The following KIAA2012 variants were observed in gnomAD, a reference collection of about 807,000 sequenced individuals.
The protein encoded by KIAA2012 is KIAA2012.
KIAA2012 carries 125 observed loss-of-function variants against 150.6 expected under a neutral mutation model. The ratio of observed to expected loss-of-function variants is 0.83; its 90% CI spans 0.72 to 0.96. KIAA2012 has a LOEUF of 0.96. Ranked by LOEUF, KIAA2012 falls within the 40% of genes least tolerant of loss-of-function variation. The probability of loss-of-function intolerance (pLI) is 0.00; values close to 1 mark genes in which losing one functional copy is unlikely to be tolerated. For missense variants in KIAA2012, 1,219 were observed against 1,354.9 expected (o/e 0.90, Z 1.57); for synonymous variants, 462 against 504.7 (o/e 0.92, Z 1.13).
At chr2:202,132,159 A>G (rs1161284154) in intron 12 of KIAA2012, among the ~76,000 whole-genome samples, 1 of 151,618 alleles carries the variant, frequency 6.6e-6, no homozygotes, top group African/African-American at 2.4e-5. Flanking sequence ...CTGGGCAACA[A>G]GGGCAAAACT....
intron 23 of KIAA2012, among the ~76,000 whole-genome samples, chr2:202,204,131 C>T (rs185215476): frequency 7.3e-4 from 109 of 149,312 alleles, no homozygotes; most frequent in Admixed American, 1.7e-3. Flanking sequence ...AACTAGAGTG[C>T]AGTGGCGCCA....
At chr2:202,199,898 A>G (rs1428147006) in intron 22 of KIAA2012, among the ~76,000 whole-genome samples, 5 of 143,472 alleles carry the variant, frequency 3.5e-5, no homozygotes, top group Middle Eastern at 3.7e-3. Flanking sequence ...TTTGAAATGC[A>G]TCTTCCTCCT....
intron 4 of KIAA2012, 91 bp from the exon 5 acceptor site, chr2:202,097,344 C>A: frequency 6.6e-7 from 1 of 1,518,840 alleles, no homozygotes; most frequent in Admixed American, 2.1e-5. Flanking sequence ...CACTTTTACT[C>A]AGAGAAGCAA....
chr2:202,087,438 A>G (rs767969087), intron 2 of KIAA2012, among the ~76,000 whole-genome samples: 3 of 138,008 alleles, frequency 2.2e-5, no homozygotes, highest in Non-Finnish European at 3.1e-5. Flanking sequence ...GTTTGAACCC[A>G]GGAGGCAGAG....
chr2:202,171,466 C>A (rs1461191435), intron 15 of KIAA2012, among the ~76,000 whole-genome samples: 1 of 152,204 alleles, frequency 6.6e-6, no homozygotes, highest in Non-Finnish European at 1.5e-5. Context: ...CTGCCTAGCG[C>A]CTCTCTGCTG....
chr2:202,142,463 TAA>T (rs371715802), intron 13 of KIAA2012, among the ~76,000 whole-genome samples: 12 of 152,350 alleles, frequency 7.9e-5, no homozygotes, highest in African/African-American at 2.9e-4. Flanking sequence ...GGAAACAGCC[TAA>T]GAGTGTAACA....
intron 12 of KIAA2012, chr2:202,137,409 C>T (rs1187482141): frequency 6.6e-6 from 1 of 151,052 alleles, no homozygotes; most frequent in Non-Finnish European, 1.5e-5. Flanking sequence ...CTCTGCCTCC[C>T]AGGTTCAAGT....
chr2:202,101,062 G>A (rs1269528192), intron 7 of KIAA2012, among the ~76,000 whole-genome samples: 1 of 152,136 alleles, frequency 6.6e-6, no homozygotes, highest in Non-Finnish European at 1.5e-5. Context: ...AGTAGCTATG[G>A]GAACATGAGC....
chr2:202,106,382 T>G (rs1393306041), intron 9 of KIAA2012, among the ~76,000 whole-genome samples: 1 of 152,210 alleles, frequency 6.6e-6, no homozygotes, highest in Non-Finnish European at 1.5e-5. Flanking sequence ...ATGTATTTAT[T>G]CATTAAAAAG....
At chr2:202,076,997 A>C (rs1167485376) in intron 2 of KIAA2012, 1 of 457,058 alleles carries the variant, frequency 2.2e-6, no homozygotes, top group African/African-American at 2.0e-5. Context: ...AGACCACAGT[A>C]TTTCTCCCTT....
intron 11 of KIAA2012, among the ~76,000 whole-genome samples, chr2:202,120,133 G>A (rs1284341508): frequency 6.6e-6 from 1 of 152,146 alleles, no homozygotes; most frequent in Non-Finnish European, 1.5e-5. Context: ...TTTGTAAATT[G>A]CCTAGTTCCA....
chr2:202,075,735 C>G (rs1689310604), intron 2 of KIAA2012, among the ~76,000 whole-genome samples: 1 of 152,224 alleles, frequency 6.6e-6, no homozygotes, highest in Admixed American at 6.5e-5. Context: ...CATCTGGCCC[C>G]TGCTTTATAT....
chr2:202,163,781 A>ATTTTTT (rs902559663), intron 14 of KIAA2012, among the ~76,000 whole-genome samples: 15 of 106,358 alleles, frequency 1.4e-4, no homozygotes, highest in East Asian at 2.7e-4. Context: ...TATTCAGGGA[A>ATTTTTT]TTTTTTTTTT....
chr2:202,178,213 A>G (rs1209411101), intron 15 of KIAA2012, among the ~76,000 whole-genome samples: 2 of 152,128 alleles, frequency 1.3e-5, no homozygotes, highest in Non-Finnish European at 2.9e-5. Context: ...AAAGAAAGAA[A>G]GAAAGAAAGA....
At chr2:202,160,442 T>C (rs1691627525) in intron 14 of KIAA2012, among the ~76,000 whole-genome samples, 1 of 151,574 alleles carries the variant, frequency 6.6e-6, no homozygotes, top group Non-Finnish European at 1.5e-5. Context: ...GCCTCCCAAG[T>C]AGCTGGGACT....
intron 5 of KIAA2012, among the ~76,000 whole-genome samples, chr2:202,098,789 C>CGTGTGTGTGTGTGTGT (rs10536026): frequency 2.0e-4 from 30 of 148,410 alleles, no homozygotes; most frequent in African/African-American, 5.7e-4. Context: ...ACTCTAAGGC[C>CGTGTGTGTGTGTGTGT]GTGTGTGTGT....
chr2:202,129,748 A>G (rs1393314433), intron 12 of KIAA2012, among the ~76,000 whole-genome samples: 2 of 152,048 alleles, frequency 1.3e-5, no homozygotes, highest in African/African-American at 4.8e-5. Flanking sequence ...AGGTTGGAGA[A>G]TTACTTGAGG....
intron 2 of KIAA2012, among the ~76,000 whole-genome samples, chr2:202,087,110 T>C (rs936118833): frequency 6.6e-6 from 1 of 152,140 alleles, no homozygotes; most frequent in Admixed American, 6.6e-5. Flanking sequence ...GACCATTTGT[T>C]TACATATTGC....
intron 2 of KIAA2012, among the ~76,000 whole-genome samples, chr2:202,088,569 GC>G (rs1451966667): frequency 6.6e-6 from 1 of 152,152 alleles, no homozygotes; most frequent in Non-Finnish European, 1.5e-5. Flanking sequence ...ATTAGAAAGT[GC>G]TTTCACAAGT....
Sources: allele counts gnomAD v4.1 joint callset (sites outside exome capture counted in the v4.1 genomes callset), GRCh38; gene constraint gnomAD v4.1.1; transcripts MANE v1.5; gene names NCBI Gene and HGNC (gene_info 2026-07-23, HGNC 2026-07-21).